The following CD86 variants were observed in gnomAD, a reference collection of about 807,000 sequenced individuals.
The protein encoded by CD86 is CD86 molecule, also known as T-lymphocyte activation antigen CD86.
In CD86, 11 loss-of-function variants were observed where a neutral mutation model predicts 32.1. That is an observed-to-expected ratio of 0.34 (90% CI 0.22 to 0.57). The LOEUF is 0.57. Ranked by LOEUF, CD86 falls within the 20% of genes least tolerant of loss-of-function variation. The pLI, the probability that CD86 is intolerant of heterozygous loss-of-function variation, is 0.86. For synonymous variants in CD86, 137 were observed against 135.3 expected (o/e 1.01, Z -0.09); for missense variants, 359 against 398.4 (o/e 0.90, Z 0.84).
chr3:122,103,118 A>C (rs1052461462), intron 2 of CD86, among the ~76,000 whole-genome samples: 3 of 151,892 alleles, frequency 2.0e-5, no homozygotes, highest in African/African-American at 7.3e-5. Flanking sequence ...ACAGTGATGA[A>C]AACTAAAATT....
At chr3:122,103,924 G>A (rs1301666564) in intron 3 of CD86, 77 bp downstream of exon 3, 17 of 1,267,480 alleles carry the variant, frequency 1.3e-5, no homozygotes, top group Admixed American at 3.9e-5. Context: ...AAACACTGGA[G>A]GGGGACTTGA....
intron 1 of CD86, among the ~76,000 whole-genome samples, chr3:122,070,788 T>C (rs1274191878): frequency 6.6e-6 from 1 of 152,210 alleles, no homozygotes; most frequent in Non-Finnish European, 1.5e-5. Flanking sequence ...CAACGTTCTA[T>C]GTATAGCATT....
At chr3:122,104,281 G>C (rs2073056809) in intron 3 of CD86, among the ~76,000 whole-genome samples, 2 of 152,076 alleles carry the variant, frequency 1.3e-5, no homozygotes, top group African/African-American at 4.8e-5. Flanking sequence ...AAAGCGGACA[G>C]CTGACACATT....
intron 1 of CD86, among the ~76,000 whole-genome samples, chr3:122,056,187 A>G (rs1380801066): frequency 1.3e-5 from 2 of 152,098 alleles, no homozygotes; most frequent in African/African-American, 4.8e-5. Flanking sequence ...AGTTCACACT[A>G]TTCATAAGGG....
At chr3:122,078,403 A>G (rs1301022149) in intron 1 of CD86, among the ~76,000 whole-genome samples, 1 of 152,182 alleles carries the variant, frequency 6.6e-6, no homozygotes, top group Non-Finnish European at 1.5e-5. Context: ...CAGTCCAAAG[A>G]TGTCAGCTCG....
rs1235102339 is a variant in CD86, at chr3:122,120,495, G to A, written c.*961G>A. The A allele has an allele frequency of 6.6e-6, 1 of 152,244 alleles. No homozygotes were observed. The highest frequency in any genetic ancestry group is 1.5e-5 in the Non-Finnish European group (1 of 68,070). The allele number at this position is 152,244 out of a possible 1,614,324, so 9.4% of individuals were successfully genotyped here. ...ACAAGTCTTGAAACAAGCAACAGAT[G>A]GATAGTCTGTCCAAATGGACATAAG... is the stretch of plus-strand genomic sequence containing the variant. On this transcript the variant is annotated 3_prime_UTR_variant, in exon 7 of 7. Coordinates refer to ENST00000330540, the MANE Select transcript of CD86 (RefSeq NM_175862.5).
At chr3:122,098,522 G>A (rs1281810497) in intron 2 of CD86, among the ~76,000 whole-genome samples, 2 of 152,164 alleles carry the variant, frequency 1.3e-5, no homozygotes, top group Non-Finnish European at 2.9e-5. Flanking sequence ...AAGGACTTTG[G>A]ATGTAGTTCT....
chr3:122,111,486 A>G (rs2073172802), intron 5 of CD86, among the ~76,000 whole-genome samples: 1 of 152,364 alleles, frequency 6.6e-6, no homozygotes, highest in Non-Finnish European at 1.5e-5. Context: ...GGTGGGCCCA[A>G]TGTAATCACA....
chr3:122,069,082 A>T (rs1335426150), intron 1 of CD86, among the ~76,000 whole-genome samples: 1 of 152,176 alleles, frequency 6.6e-6, no homozygotes, highest in Non-Finnish European at 1.5e-5. Flanking sequence ...TATCATACAT[A>T]ACTGAAATTG....
In CD86 at chr3:122,106,232, T is replaced by C; in HGVS notation, c.435T>C (p.Ser145=). Reference sequence around the variant, plus strand: ...GTCAACCTGAAATAGTACCAATTTCTAATATAACAGAAAATGTGTACATAA... The same window carrying C: ...GTCAACCTGAAATAGTACCAATTTCCAATATAACAGAAAATGTGTACATAA... ...NFSQPEIVPI[S]NITENVYINL... Residue 145 remains serine (S), a synonymous_variant, in exon 4 of 7, where the codon TCT becomes TCC. Transcript: ENST00000330540. 6.2e-7 allele frequency: 1 copy of C among 1,609,956 alleles called. No homozygotes were observed. Among genetic ancestry groups the C allele is most frequent in the Non-Finnish European group, 8.5e-7 (1 of 1,178,382 alleles).
chr3:122,095,435 C>T (rs2072892270), intron 2 of CD86, among the ~76,000 whole-genome samples: 1 of 152,178 alleles, frequency 6.6e-6, no homozygotes. Flanking sequence ...CCCGCCTCGA[C>T]CTCCCAAAGT....
At chr3:122,115,501 A>G (rs1160864961) in intron 5 of CD86, among the ~76,000 whole-genome samples, 1 of 152,130 alleles carries the variant, frequency 6.6e-6, no homozygotes, top group East Asian at 1.9e-4. Flanking sequence ...GATACTAAAA[A>G]TCTTACTCGA....
intron 1 of CD86, among the ~76,000 whole-genome samples, chr3:122,085,056 G>A (rs896993225): frequency 1.3e-5 from 2 of 152,116 alleles, no homozygotes; most frequent in Non-Finnish European, 2.9e-5. Context: ...AGGCAACCAC[G>A]TGAAGAGGAA....
chr3:122,111,735 A>G (rs912142681), intron 5 of CD86, among the ~76,000 whole-genome samples: 2 of 152,234 alleles, frequency 1.3e-5, no homozygotes, highest in African/African-American at 4.8e-5. Context: ...CAAGAGACCA[A>G]TGTGGAAACA....
intron 1 of CD86, among the ~76,000 whole-genome samples, chr3:122,059,708 A>G (rs139826713): frequency 4.5e-4 from 69 of 152,264 alleles, no homozygotes; most frequent in African/African-American, 1.6e-3. Flanking sequence ...CTCCCTTAAA[A>G]TTCATATGTT....
At chr3:122,110,718 A>G (rs2073159614) in intron 5 of CD86, among the ~76,000 whole-genome samples, 1 of 152,242 alleles carries the variant, frequency 6.6e-6, no homozygotes, top group African/African-American at 2.4e-5. Flanking sequence ...ATATAAAAGT[A>G]TAAAATTCCT....
chr3:122,065,129 C>T (rs1044164987), intron 1 of CD86, among the ~76,000 whole-genome samples: 1 of 152,136 alleles, frequency 6.6e-6, no homozygotes, highest in Admixed American at 6.6e-5. Flanking sequence ...TAGCTGACAA[C>T]ACAACCAGGA....
At chr3:122,062,514 T>A (rs916089723) in intron 1 of CD86, among the ~76,000 whole-genome samples, 5 of 152,210 alleles carry the variant, frequency 3.3e-5, no homozygotes, top group African/African-American at 9.6e-5. Context: ...GTGGTAAATA[T>A]ATCAAAGGTG....
chr3:122,074,004 T>C (rs892759601), intron 1 of CD86, among the ~76,000 whole-genome samples: 3 of 152,180 alleles, frequency 2.0e-5, no homozygotes, highest in Admixed American at 6.5e-5. Context: ...ACCTGGTAAC[T>C]GGAAAATGAT....
Sources: gnomAD v4.1 joint callset for allele counts (sites outside exome capture counted in the v4.1 genomes callset) on GRCh38, gnomAD v4.1.1 for gene constraint, MANE v1.5 for transcripts, NCBI Gene and HGNC (gene_info 2026-07-23, HGNC 2026-07-21) for gene names.